The following EXT1 variants were observed in gnomAD, a reference collection of about 807,000 sequenced individuals.
EXT1 encodes exostosin-1.
A neutral mutation model predicts 82.5 loss-of-function variants in EXT1; 20 were observed. The ratio of observed to expected loss-of-function variants is 0.24; its 90% CI spans 0.17 to 0.35. The LOEUF (loss-of-function observed/expected upper bound fraction) is 0.35. Among genes scored for constraint, EXT1 ranks in the 10% least tolerant of loss-of-function variants. The pLI is 1.00. For synonymous variants in EXT1, 348 were observed against 350.8 expected (o/e 0.99, Z 0.09); for missense variants, 757 against 936.5 (o/e 0.81, Z 2.50).
chr8:117,824,337 T>C (rs957431016), intron 4 of EXT1, among the ~76,000 whole-genome samples: 3 of 152,210 alleles, frequency 2.0e-5, no homozygotes, highest in Admixed American at 6.5e-5. Context: ...CATCACAACA[T>C]TGTTATCTTT....
intron 5 of EXT1, among the ~76,000 whole-genome samples, chr8:117,820,559 T>A (rs923884173): frequency 5.4e-5 from 7 of 129,252 alleles, no homozygotes; most frequent in African/African-American, 1.9e-4. Context: ...CATGGTGGCA[T>A]TTGCCTGTAG....
rs547978173 is a variant in EXT1, at chr8:118,022,891, T to C, written c.962+87194A>G. On this transcript the variant is annotated intron_variant, in intron 1 of 10. Coordinates refer to ENST00000378204, the MANE Select transcript of EXT1 (RefSeq NM_000127.3). ...AATAAAATATTTGAACCCTGGAACATTCACAGTATAAGGCTTAGCACCCAC... is the reference window on the plus strand; with the variant it reads ...AATAAAATATTTGAACCCTGGAACACTCACAGTATAAGGCTTAGCACCCAC... 3.3e-5 allele frequency among the ~76,000 whole-genome samples: 5 copies of C among 152,264 alleles called. 1 individual carries two copies. Among genetic ancestry groups the C allele is most frequent in the African/African-American group, 1.2e-4 (5 of 41,560 alleles).
chr8:118,088,022 T>A (rs1289509153), intron 1 of EXT1, among the ~76,000 whole-genome samples: 1 of 148,324 alleles, frequency 6.7e-6, no homozygotes, highest in Non-Finnish European at 1.5e-5. Context: ...AAGGAGCACA[T>A]AAAGTTAATA....
At chr8:117,948,151 G>A (rs1229204120) in intron 1 of EXT1, among the ~76,000 whole-genome samples, 1 of 151,754 alleles carries the variant, frequency 6.6e-6, no homozygotes, top group Non-Finnish European at 1.5e-5. Context: ...CTAGGGCAAT[G>A]TAAAAAAAAA....
chr8:118,104,829 C>T (rs1817780150), intron 1 of EXT1, among the ~76,000 whole-genome samples: 2 of 152,214 alleles, frequency 1.3e-5, no homozygotes, highest in South Asian at 2.1e-4. Context: ...GAAACATAAG[C>T]TTCTGTGTTC....
At chr8:117,827,004 C>T (rs557171363) in intron 4 of EXT1, among the ~76,000 whole-genome samples, 128 of 152,194 alleles carry the variant, frequency 8.4e-4, no homozygotes, top group Non-Finnish European at 1.5e-3. Context: ...ATGCAAAAGA[C>T]ATGTAATTAA....
In EXT1 at chr8:118,111,036, T is replaced by C. The variant is rs61757381; in HGVS notation, c.11A>G (p.Lys4Arg). 3.1e-6 allele frequency: 5 copies of C among 1,596,550 alleles called. No individual in the cohort carries two copies. The highest frequency in any genetic ancestry group is 3.4e-6 in the Non-Finnish European group (4 of 1,177,592). Residue 4 changes from lysine (K) to arginine (R), a missense_variant, in exon 1 of 11, where the codon AAA becomes AGA. Coordinates refer to ENST00000378204, the MANE Select transcript of EXT1 (RefSeq NM_000127.3). ...TGAGAGCAGGATGAAATAGCGTTTTTTGGCCTGCATGTGTCCTGCCTGGGT... is the reference window on the plus strand; with the variant it reads ...TGAGAGCAGGATGAAATAGCGTTTTCTGGCCTGCATGTGTCCTGCCTGGGT... MQA[K>R]KRYFILLSAG...
chr8:117,822,922 T>G (rs1414356609), intron 4 of EXT1, among the ~76,000 whole-genome samples: 1 of 152,172 alleles, frequency 6.6e-6, no homozygotes, highest in Non-Finnish European at 1.5e-5. Flanking sequence ...CTTTCCCTGA[T>G]GGTTAAACTT....
chr8:117,846,825 C>T (rs1243058957), intron 1 of EXT1, among the ~76,000 whole-genome samples: 1 of 152,136 alleles, frequency 6.6e-6, no homozygotes, highest in Non-Finnish European at 1.5e-5. Flanking sequence ...AGGGTGTCAG[C>T]TCCCCACCTA....
chr8:118,103,044 T>A (rs1284571935), intron 1 of EXT1, among the ~76,000 whole-genome samples: 2 of 152,138 alleles, frequency 1.3e-5, no homozygotes, highest in African/African-American at 4.8e-5. Context: ...TCCCAGCTAC[T>A]CGGGAGGCTG....
intron 8 of EXT1, among the ~76,000 whole-genome samples, chr8:117,810,207 A>C (rs1823298208): frequency 6.6e-6 from 1 of 152,242 alleles, no homozygotes; most frequent in Non-Finnish European, 1.5e-5. Context: ...TGCCCTTTAT[A>C]GGATGCTGTT....
chr8:117,956,724 G>A (rs1422805278), intron 1 of EXT1, among the ~76,000 whole-genome samples: 1 of 152,162 alleles, frequency 6.6e-6, no homozygotes, highest in African/African-American at 2.4e-5. Flanking sequence ...TGAGATTACA[G>A]GCATGAGCCA....
At chr8:117,811,807 G>A (rs374173083) in intron 8 of EXT1, among the ~76,000 whole-genome samples, 1 of 152,104 alleles carries the variant, frequency 6.6e-6, no homozygotes, top group South Asian at 2.1e-4. Context: ...GTAGAGATAA[G>A]GTTTCACCAT....
intron 1 of EXT1, among the ~76,000 whole-genome samples, chr8:117,913,590 A>G (rs1319680379): frequency 1.3e-5 from 2 of 152,204 alleles, no homozygotes; most frequent in Non-Finnish European, 2.9e-5. Context: ...TTTGGTCCTG[A>G]GCTGGTTTCC....
intron 1 of EXT1, among the ~76,000 whole-genome samples, chr8:117,953,850 C>A (rs1814538790): frequency 6.6e-6 from 1 of 152,054 alleles, no homozygotes; most frequent in Admixed American, 6.6e-5. Flanking sequence ...GCGGAGGTTG[C>A]AGTGAGCCAA....
At chr8:117,911,329 T>C (rs1813643393) in intron 1 of EXT1, among the ~76,000 whole-genome samples, 1 of 152,190 alleles carries the variant, frequency 6.6e-6, no homozygotes, top group Non-Finnish European at 1.5e-5. Flanking sequence ...GGAAGCATGT[T>C]ACTCTAACCA....
intron 1 of EXT1, among the ~76,000 whole-genome samples, chr8:118,024,580 A>G (rs1357634837): frequency 6.6e-6 from 1 of 152,226 alleles, no homozygotes; most frequent in Non-Finnish European, 1.5e-5. Context: ...GCAGTTCAGT[A>G]GAGGCAGAAA....
At chr8:117,949,824 T>C (rs753805462) in intron 1 of EXT1, among the ~76,000 whole-genome samples, 12 of 152,222 alleles carry the variant, frequency 7.9e-5, no homozygotes, top group Non-Finnish European at 1.6e-4. Context: ...AGACTTCTTT[T>C]AAGCCCAATA....
intron 1 of EXT1, among the ~76,000 whole-genome samples, chr8:118,094,020 G>A (rs1817566656): frequency 6.6e-6 from 1 of 152,176 alleles, no homozygotes; most frequent in Non-Finnish European, 1.5e-5. Context: ...TCACTTGCTT[G>A]GCTACCTGGA....
Sources: gnomAD v4.1 joint callset for allele counts (sites outside exome capture counted in the v4.1 genomes callset) on GRCh38, gnomAD v4.1.1 for gene constraint, MANE v1.5 for transcripts, NCBI Gene and HGNC (gene_info 2026-07-23, HGNC 2026-07-21) for gene names.